NEGR1: variants seen among roughly 807,000 people sequenced by gnomAD.
The protein encoded by NEGR1 is neuronal growth regulator 1.
In NEGR1, 10 loss-of-function variants were observed where a neutral mutation model predicts 40.9. The ratio of observed to expected loss-of-function variants is 0.24; its 90% CI spans 0.15 to 0.42. The LOEUF (loss-of-function observed/expected upper bound fraction) is 0.42, where lower values mean the gene tolerates loss of function less well. NEGR1 is among the 10% of genes least tolerant of loss of function. NEGR1 has a pLI of 1.00. For synonymous variants in NEGR1, 185 were observed against 166.8 expected (o/e 1.11, Z -0.84); for missense variants, 352 against 438.9 (o/e 0.80, Z 1.77).
intron 6 of NEGR1, among the ~76,000 whole-genome samples, chr1:71,456,211 C>T (rs1369122482): frequency 1.3e-5 from 2 of 152,162 alleles, no homozygotes; most frequent in East Asian, 3.8e-4. Flanking sequence ...ACCTGGTCCA[C>T]AGAAGGGAAT....
At chr1:71,840,524 T>A (rs931427782) in intron 2 of NEGR1, among the ~76,000 whole-genome samples, 5 of 152,176 alleles carry the variant, frequency 3.3e-5, no homozygotes, top group Non-Finnish European at 7.4e-5. Context: ...TTCTCCATTG[T>A]TATACTACTG....
chr1:72,010,012 T>C (rs1418039871), intron 1 of NEGR1, among the ~76,000 whole-genome samples: 1 of 151,782 alleles, frequency 6.6e-6, no homozygotes, highest in Non-Finnish European at 1.5e-5. Context: ...ATGGAAGAAA[T>C]GACAGGAAGA....
chr1:72,040,593 A>AAAAAAAAAAAAAAAAAAAAAAAAAAAAC (rs1646944156), intron 1 of NEGR1, among the ~76,000 whole-genome samples: 1 of 148,094 alleles, frequency 6.8e-6, no homozygotes, highest in African/African-American at 2.5e-5. Flanking sequence ...AAAAAAAAAA[A>AAAAAAAAAAAAAAAAAAAAAAAAAAAAC]AAAAAAAAAA....
At chr1:72,024,083 C>A (rs1222849344) in intron 1 of NEGR1, among the ~76,000 whole-genome samples, 1 of 152,084 alleles carries the variant, frequency 6.6e-6, no homozygotes, top group African/African-American at 2.4e-5. Flanking sequence ...TACTAATTTT[C>A]TTTAACTCAA....
rs531716424 is a variant in NEGR1 at position 72,160,232 on chromosome 1, G to C, written c.176+122087C>G. Among the ~76,000 whole-genome samples, 121 of 152,186 alleles carry C rather than the reference G, an allele frequency of 8.0e-4. 1 individual carries two copies. Among genetic ancestry groups the C allele is most frequent in the Non-Finnish European group, 1.4e-3 (98 of 67,986 alleles). ...TCTCAGAAGAAACAGGAGTTGATGC[G>C]TGAACAATATTAGCACAAAAAGGAC... On this transcript the variant is annotated intron_variant, in intron 1 of 6. Coordinates refer to ENST00000357731, the MANE Select transcript of NEGR1 (RefSeq NM_173808.3).
intron 1 of NEGR1, among the ~76,000 whole-genome samples, chr1:71,972,666 T>G (rs1271452031): frequency 6.6e-6 from 1 of 152,186 alleles, no homozygotes. Flanking sequence ...TTTTATTTCC[T>G]GCCCCACGGA....
intron 2 of NEGR1, among the ~76,000 whole-genome samples, chr1:71,802,461 T>A (rs554493716): frequency 1.1e-4 from 17 of 152,248 alleles, no homozygotes; most frequent in African/African-American, 4.1e-4. Context: ...TCAGACATCA[T>A]CAGAGCTCCC....
Position 72,212,708 on chromosome 1 carries a change from G to C in NEGR1, c.176+69611C>G, listed in dbSNP as rs1570128173. On this transcript the variant is annotated intron_variant, in intron 1 of 6. Transcript: ENST00000357731. ...TGTGGAAGATAACAGTAGGAATTTA[G>C]AAAAGATCAAACAGCTATTCTAAAA... 2.0e-5 allele frequency among the ~76,000 whole-genome samples: 3 copies of C among 152,006 alleles called. No individual in the cohort carries two copies. The East Asian group carries it at 5.8e-4, about 29-fold the overall frequency.
intron 1 of NEGR1, among the ~76,000 whole-genome samples, chr1:71,967,625 C>G (rs1486067828): frequency 1.3e-5 from 2 of 152,102 alleles, no homozygotes; most frequent in Non-Finnish European, 2.9e-5. Flanking sequence ...TCCACATAAT[C>G]AACAACTGTG....
intron 1 of NEGR1, among the ~76,000 whole-genome samples, chr1:71,987,166 A>G (rs1305314374): frequency 6.6e-6 from 1 of 152,172 alleles, no homozygotes; most frequent in Admixed American, 6.5e-5. Context: ...TAGAATTCCT[A>G]AAGAGTTAAC....
chr1:71,989,326 A>T (rs995851032), intron 1 of NEGR1, among the ~76,000 whole-genome samples: 25 of 152,204 alleles, frequency 1.6e-4, no homozygotes. Flanking sequence ...TCAACATTTT[A>T]AAAATGCATC....
intron 4 of NEGR1, among the ~76,000 whole-genome samples, chr1:71,659,507 A>G (rs2101589134): frequency 6.6e-6 from 1 of 152,300 alleles, no homozygotes; most frequent in Non-Finnish European, 1.5e-5. Context: ...AAGATCTTCT[A>G]TAGAGCAAAA....
intron 1 of NEGR1, among the ~76,000 whole-genome samples, chr1:72,014,491 T>G (rs968963560): frequency 6.6e-6 from 1 of 152,036 alleles, no homozygotes; most frequent in Non-Finnish European, 1.5e-5. Flanking sequence ...TTTATTATTA[T>G]TTTTACTACT....
chr1:72,146,528 G>T (rs1032540781), intron 1 of NEGR1, among the ~76,000 whole-genome samples: 1 of 151,962 alleles, frequency 6.6e-6, no homozygotes, highest in Admixed American at 6.6e-5. Flanking sequence ...CCTTCACTTT[G>T]CAATGGTCCC....
At chr1:71,701,774 AT>A (rs1478788867) in intron 3 of NEGR1, among the ~76,000 whole-genome samples, 1 of 152,126 alleles carries the variant, frequency 6.6e-6, no homozygotes, top group Non-Finnish European at 1.5e-5. Flanking sequence ...TTCAAAGGCA[AT>A]AGGTAAAGAA....
chr1:72,030,350 G>A (rs1286923838), intron 1 of NEGR1, among the ~76,000 whole-genome samples: 2 of 151,984 alleles, frequency 1.3e-5, no homozygotes, highest in African/African-American at 2.4e-5. Flanking sequence ...GGGATTACAG[G>A]TGCCCACCAC....
At chr1:71,510,359 G>C (rs1647064596) in intron 6 of NEGR1, among the ~76,000 whole-genome samples, 1 of 152,152 alleles carries the variant, frequency 6.6e-6, no homozygotes, top group Non-Finnish European at 1.5e-5. Context: ...AGAATCAAAA[G>C]GTTTAGATGA....
chr1:72,047,092 G>A (rs1306450135), intron 1 of NEGR1, among the ~76,000 whole-genome samples: 1 of 150,776 alleles, frequency 6.6e-6, no homozygotes, highest in Non-Finnish European at 1.5e-5. Flanking sequence ...TGTCTTCCTG[G>A]CTTCTTCCCA....
intron 1 of NEGR1, among the ~76,000 whole-genome samples, chr1:71,956,750 T>A (rs1329099374): frequency 6.6e-6 from 1 of 152,136 alleles, no homozygotes; most frequent in African/African-American, 2.4e-5. Context: ...CTACAGAACA[T>A]GTGGGATTTT....
Sources: allele counts gnomAD v4.1 joint callset (sites outside exome capture counted in the v4.1 genomes callset), GRCh38; gene constraint gnomAD v4.1.1; transcripts MANE v1.5; gene names NCBI Gene and HGNC (gene_info 2026-07-23, HGNC 2026-07-21).